The following GRIN2B variants were observed in gnomAD, a reference collection of about 807,000 sequenced individuals.
GRIN2B encodes the protein glutamate ionotropic receptor NMDA type subunit 2B.
In GRIN2B, 5 loss-of-function variants were observed where a neutral mutation model predicts 114.5. That is an observed-to-expected ratio of 0.04 (90% CI 0.02 to 0.09). The LOEUF is 0.09. GRIN2B is among the 10% of genes least tolerant of loss of function. The probability of loss-of-function intolerance (pLI) is 1.00; values close to 1 mark genes in which losing one functional copy is unlikely to be tolerated. For synonymous variants in GRIN2B, 787 were observed against 745.1 expected (o/e 1.06, Z -0.92); for missense variants, 1,108 against 1,943.5 (o/e 0.57, Z 8.08).
At position 13,767,260 on chromosome 12, in the gene GRIN2B, A is replaced by G. The variant is rs947975025; in HGVS notation, c.412-13345T>C. On this transcript the variant is annotated intron_variant, in intron 3 of 13. Transcript: ENST00000609686. ...GTGCGAAAGTACAGACTCTGTCTCAAAAAAAAAAAAAAAAAAAAAGTATTC... is the reference window on the plus strand; with the variant it reads ...GTGCGAAAGTACAGACTCTGTCTCAGAAAAAAAAAAAAAAAAAAAGTATTC... Among the ~76,000 whole-genome samples the G allele has an allele frequency of 1.1e-4, 10 of 89,018 alleles. No homozygotes were observed. The South Asian group carries it at 1.4e-3, about 12-fold the overall frequency. 58.4% of individuals were successfully genotyped at this position (89,018 alleles called of 152,430 possible). A position where few individuals can be genotyped will look rare whatever the true frequency, so the allele number is the denominator to read the frequency against.
chr12:13,607,358 T>TATTATATATTATATATAA (rs1565473695), intron 10 of GRIN2B, among the ~76,000 whole-genome samples: 1,032 of 39,898 alleles, frequency 0.026, 71 homozygotes, highest in African/African-American at 0.097. Flanking sequence ...ATAAAATATA[T>TATTATATATTATATATAA]AATATATATT....
chr12:13,630,197 A>C (rs768041665), intron 5 of GRIN2B, among the ~76,000 whole-genome samples: 1 of 152,262 alleles, frequency 6.6e-6, no homozygotes, highest in African/African-American at 2.4e-5. Flanking sequence ...CTGGCAGCTA[A>C]TAATAGATAA....
intron 4 of GRIN2B, among the ~76,000 whole-genome samples, chr12:13,680,911 C>A (rs1014122525): frequency 6.6e-6 from 1 of 152,068 alleles, no homozygotes; most frequent in Non-Finnish European, 1.5e-5. Flanking sequence ...GAGAAAGAGC[C>A]TCAGAATCCT....
chr12:13,636,367 A>G (rs556948793), intron 5 of GRIN2B, among the ~76,000 whole-genome samples: 3 of 152,280 alleles, frequency 2.0e-5, no homozygotes, highest in African/African-American at 7.2e-5. Flanking sequence ...GGTATTCTGT[A>G]TGTGGTGGAA....
Position 13,563,149 on chromosome 12 carries a change from G to A in GRIN2B, c.4089C>T (p.His1363=), listed in dbSNP as rs1411268559. 4 of 1,614,226 alleles carry A rather than the reference G, an allele frequency of 2.5e-6. No homozygotes were observed. The highest frequency in any genetic ancestry group is 3.4e-6 in the Non-Finnish European group (4 of 1,180,056). ...TGTACCCGCCGCCGGGGTTGTTGTG[G>A]TGGTGATGTCCGGCAGTGGGCACTG... The part of the protein sequence containing the change: ...KSSVPTAGHH[H]HNNPGGGYML... The change falls in exon 14 of 14, where the codon CAC becomes CAT. Residue 1363 remains histidine, a synonymous_variant. Transcript: ENST00000609686.
At chr12:13,793,656 T>C (rs368611169) in intron 3 of GRIN2B, among the ~76,000 whole-genome samples, 7 of 152,178 alleles carry the variant, frequency 4.6e-5, no homozygotes, top group Admixed American at 4.6e-4. Context: ...TCTAGTAACC[T>C]ATCCTTAGCA....
intron 2 of GRIN2B, among the ~76,000 whole-genome samples, chr12:13,879,237 T>C (rs1026042347): frequency 6.6e-6 from 1 of 152,164 alleles, no homozygotes. Context: ...CTAGGCCATA[T>C]GGGATAGCCT....
intron 3 of GRIN2B, among the ~76,000 whole-genome samples, chr12:13,827,270 T>C (rs11834995): frequency 0.033 from 4,936 of 149,976 alleles, 116 homozygotes; most frequent in Middle Eastern, 0.058. Flanking sequence ...CTGAACTTCT[T>C]AAATCTGTTG....
At chr12:13,840,699 C>T (rs1865363626) in intron 3 of GRIN2B, among the ~76,000 whole-genome samples, 1 of 152,148 alleles carries the variant, frequency 6.6e-6, no homozygotes, top group African/African-American at 2.4e-5. Context: ...CTACCTTTTA[C>T]CTGTCTAAAA....
chr12:13,772,871 C>A (rs1325877836), intron 3 of GRIN2B, among the ~76,000 whole-genome samples: 2 of 152,272 alleles, frequency 1.3e-5, no homozygotes, highest in East Asian at 3.9e-4. Flanking sequence ...ATCAAAGCCA[C>A]CCCCTGCTCT....
At chr12:13,630,294 T>C (rs1308390152) in intron 5 of GRIN2B, among the ~76,000 whole-genome samples, 1 of 152,210 alleles carries the variant, frequency 6.6e-6, no homozygotes, top group Non-Finnish European at 1.5e-5. Flanking sequence ...AGTATGAAAT[T>C]TAATTTTCAG....
chr12:13,961,195 C>CA (rs1449312372), intron 2 of GRIN2B, among the ~76,000 whole-genome samples: 2 of 151,614 alleles, frequency 1.3e-5, no homozygotes, highest in African/African-American at 4.9e-5. Flanking sequence ...TTCGAGGAAA[C>CA]AGAGTGGCAG....
At chr12:13,793,298 A>G (rs1282381794) in intron 3 of GRIN2B, among the ~76,000 whole-genome samples, 1 of 152,096 alleles carries the variant, frequency 6.6e-6, no homozygotes, top group African/African-American at 2.4e-5. Flanking sequence ...GTGCATACCT[A>G]TAGTCCCATC....
chr12:13,634,736 G>T (rs1949652537), intron 5 of GRIN2B, among the ~76,000 whole-genome samples: 1 of 152,210 alleles, frequency 6.6e-6, no homozygotes, highest in Non-Finnish European at 1.5e-5. Flanking sequence ...ACTGGGCATG[G>T]TTGGGGAAGG....
intron 10 of GRIN2B, among the ~76,000 whole-genome samples, chr12:13,592,542 C>A (rs538759487): frequency 3.3e-4 from 50 of 152,302 alleles, no homozygotes; most frequent in Middle Eastern, 3.4e-3. Flanking sequence ...TCTTTTACCA[C>A]CTGTGATGTA....
intron 3 of GRIN2B, among the ~76,000 whole-genome samples, chr12:13,800,574 C>G (rs184705203): frequency 1.4e-3 from 206 of 152,182 alleles, no homozygotes; most frequent in African/African-American, 4.6e-3. Context: ...AAACTGTCAC[C>G]CCTTGGGGCT....
rs1948258996 is a variant in GRIN2B at position 13,540,177 on chromosome 12, T to C, written c.*22606A>G. 1 of 152,140 alleles carries C rather than the reference T, an allele frequency of 6.6e-6. No individual in the cohort carries two copies. Among genetic ancestry groups the C allele is most frequent in the Non-Finnish European group, 1.5e-5 (1 of 68,028 alleles). The allele number at this position is 152,140 out of a possible 1,614,324, so 9.4% of individuals were successfully genotyped here. On this transcript the variant is annotated 3_prime_UTR_variant, in exon 14 of 14. Coordinates refer to ENST00000609686, the MANE Select transcript of GRIN2B (RefSeq NM_000834.5). ...TTCCCAAACAGCACTTTTAACAATCTTTTTGGAATCACAGTAAAGAAAGCA... is the reference window on the plus strand; with the variant it reads ...TTCCCAAACAGCACTTTTAACAATCCTTTTGGAATCACAGTAAAGAAAGCA...
intron 3 of GRIN2B, among the ~76,000 whole-genome samples, chr12:13,844,407 T>C (rs1020704806): frequency 1.3e-5 from 2 of 152,190 alleles, no homozygotes; most frequent in Non-Finnish European, 2.9e-5. Flanking sequence ...AGCTTCTTTT[T>C]CTTCCCTTTA....
chr12:13,708,217 A>G (rs1003363834), intron 4 of GRIN2B, among the ~76,000 whole-genome samples: 3 of 152,102 alleles, frequency 2.0e-5, no homozygotes, highest in Non-Finnish European at 4.4e-5. Flanking sequence ...AGGCTGGGTA[A>G]TGAGGAGAGG....
Sources: gnomAD v4.1 joint callset for allele counts (sites outside exome capture counted in the v4.1 genomes callset) on GRCh38, gnomAD v4.1.1 for gene constraint, MANE v1.5 for transcripts, NCBI Gene and HGNC (gene_info 2026-07-23, HGNC 2026-07-21) for gene names.